Variants in MYT1L observed in about 807,000 individuals in gnomAD.
MYT1L encodes the protein myelin transcription factor 1 like.
In MYT1L, 12 loss-of-function variants were observed where a neutral mutation model predicts 126.7. That is an observed-to-expected ratio of 0.09 (90% CI 0.06 to 0.15). The LOEUF (loss-of-function observed/expected upper bound fraction) is 0.15, where lower values mean the gene tolerates loss of function less well. MYT1L is among the 10% of genes least tolerant of loss of function. The pLI is 1.00. For synonymous variants in MYT1L, 541 were observed against 604.2 expected, an observed-to-expected ratio of 0.90 and a Z score of 1.53; for missense variants, 979 against 1,585.2, an observed-to-expected ratio of 0.62 and a Z score of 6.49.
At chr2:2,136,618 T>C (rs1164390459) in intron 3 of MYT1L, among the ~76,000 whole-genome samples, 1 of 152,248 alleles carries the variant, frequency 6.6e-6, no homozygotes, top group Non-Finnish European at 1.5e-5. Flanking sequence ...TCTATTAATT[T>C]TTAATCATGA....
Position 2,174,548 on chromosome 2 carries a change from G to C in MYT1L, c.-420-1560C>G, listed in dbSNP as rs1330348466. Among the ~76,000 whole-genome samples, 85 of 152,230 alleles carry C rather than the reference G, an allele frequency of 5.6e-4. 1 individual carries two copies. The highest frequency in any genetic ancestry group is 7.3e-5 in the Non-Finnish European group (5 of 68,030). On this transcript the variant is annotated intron_variant, in intron 2 of 24. Coordinates refer to ENST00000647738, the MANE Select transcript of MYT1L (RefSeq NM_001303052.2). ...GTCCTTGTGAGACAGAGACAGACGT[G>C]ACAGCGCATGTGGAGACTCCCTCCC...
At position 1,892,028 on chromosome 2, in the gene MYT1L, C is replaced by G; in HGVS notation, c.2283+9G>C. The G allele has an allele frequency of 6.6e-7, 1 of 1,512,150 alleles. No individual in the cohort carries two copies. Among genetic ancestry groups the G allele is most frequent in the Non-Finnish European group, 8.8e-7 (1 of 1,130,646 alleles). The allele number at this position is 1,512,150 out of a possible 1,614,324, so 93.7% of individuals were successfully genotyped here. A position where few individuals can be genotyped will look rare whatever the true frequency, so the allele number is the denominator to read the frequency against. On this transcript the variant is annotated intron_variant, in intron 15 of 24. Transcript: ENST00000647738. ...CGCCAGGTGGCTCCACCTGCCCAGG[C>G]GCGCGTACCCGCGTGGCGCACAGGT...
At chr2:2,013,929 C>A (rs1479680730) in intron 4 of MYT1L, among the ~76,000 whole-genome samples, 1 of 152,212 alleles carries the variant, frequency 6.6e-6, no homozygotes, top group Non-Finnish European at 1.5e-5. Context: ...TTTTAAGGCA[C>A]AGGGATGGTG....
intron 2 of MYT1L, among the ~76,000 whole-genome samples, chr2:2,266,444 T>C (rs2095132055): frequency 6.6e-6 from 1 of 152,160 alleles, no homozygotes; most frequent in Admixed American, 6.5e-5. Flanking sequence ...TTTTCTGGAT[T>C]TGTGTGGAAG....
At chr2:2,044,920 T>C (rs558484552) in intron 4 of MYT1L, among the ~76,000 whole-genome samples, 2 of 152,218 alleles carry the variant, frequency 1.3e-5, no homozygotes, top group South Asian at 2.1e-4. Context: ...CACATGGAAA[T>C]TTGTTGGATC....
chr2:2,123,534 G>C (rs562274121), intron 3 of MYT1L, among the ~76,000 whole-genome samples: 21 of 152,200 alleles, frequency 1.4e-4, no homozygotes, highest in Non-Finnish European at 2.5e-4. Flanking sequence ...CGCAAGACCT[G>C]GTTGTTTAAA....
chr2:2,055,628 T>A (rs2069424952), intron 3 of MYT1L, among the ~76,000 whole-genome samples: 1 of 152,110 alleles, frequency 6.6e-6, no homozygotes, highest in African/African-American at 2.4e-5. Flanking sequence ...AGACAAAAAA[T>A]AGACAAATTT....
chr2:1,943,160 C>A lies in MYT1L; in HGVS notation c.327G>T (p.Glu109Asp). Residue 109 changes from glutamate to aspartate, a missense_variant, in exon 9 of 25, where the codon GAG (glutamate) becomes GAT (aspartate). Around this residue, in one of 12 missense-constraint regions of MYT1L, gnomAD observed 111 missense variants for 115.9 expected, o/e 0.96. Coordinates refer to ENST00000647738, the MANE Select transcript of MYT1L (RefSeq NM_001303052.2). The surrounding 1 kb of genome is among the most constrained non-coding windows in gnomAD (Gnocchi z 4.4). ...MDEKEEDEGE[E>D]YSEDNDEPGD... ...CTGGCTCATCATTGTCCTCGGAGTA[C>A]TCCTCCCCCTCATCCTCCTCCTTCT... 1 of 1,542,494 alleles carries A rather than the reference C, an allele frequency of 6.5e-7. No individual in the cohort carries two copies. Among genetic ancestry groups the A allele is most frequent in the Non-Finnish European group, 8.8e-7 (1 of 1,138,920 alleles).
chr2:2,023,534 C>CG lies in MYT1L; in HGVS notation c.-157-26188dup. ...GTGCCTAATATCCAGTGGGTGTGGA[C>CG]GGGAAGCTCCCAGCACGGGCTCCTG... On this transcript the variant is annotated intron_variant, in intron 4 of 24. Coordinates refer to ENST00000647738, the MANE Select transcript of MYT1L (RefSeq NM_001303052.2). Among the ~76,000 whole-genome samples the CG allele has an allele frequency of 2.6e-5, 4 of 152,148 alleles. No homozygotes were observed. The South Asian group carries it at 8.3e-4, about 32-fold the overall frequency.
At chr2:2,268,838 A>G (rs563308737) in intron 2 of MYT1L, among the ~76,000 whole-genome samples, 1 of 152,342 alleles carries the variant, frequency 6.6e-6, no homozygotes, top group Non-Finnish European at 1.5e-5. Context: ...TCATTTAGTT[A>G]TTAGCCTAAG....
chr2:1,813,810 G>T (rs1434979512), intron 21 of MYT1L, among the ~76,000 whole-genome samples: 6 of 145,244 alleles, frequency 4.1e-5, no homozygotes, highest in Non-Finnish European at 6.0e-5. Flanking sequence ...GGCGGATCAC[G>T]CGGTCAGGAG....
At position 1,910,770 on chromosome 2, in the gene MYT1L, T is replaced by C. The variant is rs1004373898; in HGVS notation, c.1710-423A>G. On this transcript the variant is annotated intron_variant, in intron 12 of 24. Transcript: ENST00000647738. The surrounding 1 kb of genome is among the most constrained non-coding windows in gnomAD (Gnocchi z 4.8). ...ACCAGAAGATGGAGCTCCAAGCTGA[T>C]TTCCTAAATGCTATTGACTGTGGCG... is the stretch of plus-strand genomic sequence containing the variant. Among the ~76,000 whole-genome samples the C allele has an allele frequency of 2.6e-5, 4 of 152,168 alleles. No individual in the cohort carries two copies. The highest frequency in any genetic ancestry group is 9.7e-5 in the African/African-American group (4 of 41,442).
chr2:1,941,138 T>G (rs2056600483), intron 9 of MYT1L, among the ~76,000 whole-genome samples: 2 of 152,258 alleles, frequency 1.3e-5, no homozygotes, highest in Admixed American at 6.5e-5. Flanking sequence ...TCACTTTTTA[T>G]TTTTAAAGAA....
intron 21 of MYT1L, among the ~76,000 whole-genome samples, chr2:1,817,238 T>C (rs891341528): frequency 1.3e-5 from 2 of 152,294 alleles, no homozygotes; most frequent in Middle Eastern, 3.4e-3. Flanking sequence ...ATTAAGTGCA[T>C]GGGAGAGAAC....
chr2:2,105,976 A>C (rs2078704420), intron 3 of MYT1L, among the ~76,000 whole-genome samples: 1 of 152,106 alleles, frequency 6.6e-6, no homozygotes, highest in Admixed American at 6.5e-5. Flanking sequence ...GGGACTGTGC[A>C]TTTCTTTAAA....
chr2:1,893,679 T>C (rs1434123563), intron 14 of MYT1L, among the ~76,000 whole-genome samples: 31 of 152,234 alleles, frequency 2.0e-4, no homozygotes, highest in Admixed American at 2.0e-3. Flanking sequence ...GGAGCCAGGC[T>C]TCCCCAGGGA....
At chr2:1,952,218 T>C (rs1046243279) in intron 8 of MYT1L, among the ~76,000 whole-genome samples, 3 of 152,226 alleles carry the variant, frequency 2.0e-5, no homozygotes, top group Admixed American at 6.5e-5. Context: ...GTTTCTGGAA[T>C]GCAGGGAGTT....
chr2:1,831,305 T>C (rs1572651194), intron 21 of MYT1L, among the ~76,000 whole-genome samples: 1 of 149,780 alleles, frequency 6.7e-6, no homozygotes, highest in African/African-American at 2.4e-5. Context: ...CTTCCTGACC[T>C]CCACCAAGAT....
intron 1 of MYT1L, among the ~76,000 whole-genome samples, chr2:2,301,012 T>C (rs1302766528): frequency 6.6e-6 from 1 of 152,220 alleles, no homozygotes; most frequent in Non-Finnish European, 1.5e-5. Flanking sequence ...CATGGAAGCC[T>C]ACATTTACAT....
Sources: gnomAD v4.1 joint callset for allele counts (sites outside exome capture counted in the v4.1 genomes callset) on GRCh38, gnomAD v4.1.1 for gene constraint, gnomAD v4.1.1 regional missense constraint, Gnocchi (gnomAD v3.1) non-coding constraint, MANE v1.5 for transcripts, NCBI Gene and HGNC (gene_info 2026-07-23, HGNC 2026-07-21) for gene names.